Variants in GLI3 observed in about 807,000 individuals in gnomAD.
GLI3 encodes transcription activator GLI3.
A neutral mutation model predicts 100.8 loss-of-function variants in GLI3; 20 were observed. That is an observed-to-expected ratio of 0.20 (90% confidence interval 0.14 to 0.29). The LOEUF (loss-of-function observed/expected upper bound fraction) is 0.29, where lower values mean the gene tolerates loss of function less well. GLI3 is among the 10% of genes least tolerant of loss of function. GLI3 has a pLI of 1.00. For missense variants in GLI3, 2,040 were observed against 2,128.5 expected (o/e 0.96, Z 0.82); for synonymous variants, 938 against 860.5 (o/e 1.09, Z -1.58).
intron 7 of GLI3, among the ~76,000 whole-genome samples, chr7:42,035,069 G>A (rs778270125): frequency 3.3e-5 from 5 of 152,174 alleles, no homozygotes; most frequent in Non-Finnish European, 7.3e-5. Flanking sequence ...GGAAGTAAAT[G>A]AGAGCTATCT....
At chr7:42,184,459 G>T (rs959293853) in intron 2 of GLI3, among the ~76,000 whole-genome samples, 1 of 152,136 alleles carries the variant, frequency 6.6e-6, no homozygotes, top group Non-Finnish European at 1.5e-5. Flanking sequence ...CTTGTTTACC[G>T]ACTGTCTCCT....
chr7:42,043,967 C>T (rs1749761104), intron 6 of GLI3, among the ~76,000 whole-genome samples: 3 of 152,060 alleles, frequency 2.0e-5, no homozygotes, highest in African/African-American at 4.8e-5. Flanking sequence ...AACAGAACGC[C>T]TGAAGAAGAC....
chr7:42,261,188 G>GACACGCACACAAACAC (rs1789135217), intron 1 of GLI3, among the ~76,000 whole-genome samples: 1 of 145,664 alleles, frequency 6.9e-6, no homozygotes. Flanking sequence ...GCAGGAACAA[G>GACACGCACACAAACAC]ACACACACAC....
chr7:42,143,494 C>T (rs1056590206), intron 3 of GLI3, among the ~76,000 whole-genome samples: 5 of 152,204 alleles, frequency 3.3e-5, no homozygotes, highest in African/African-American at 9.7e-5. Context: ...TATACATCCT[C>T]TCTTCCATTC....
rs1210914017 is a variant in GLI3, at chr7:41,966,253, C to T, written c.2820G>A (p.Pro940=). ...CCATGTTGGGCAGGGGCGTCGGCGGCGGCCCTCCTGTGGCAGCCGCGTACT... is the reference window on the plus strand; with the variant it reads ...CCATGTTGGGCAGGGGCGTCGGCGGTGGCCCTCCTGTGGCAGCCGCGTACT... ...KAKYAAATGG[P]PPTPLPNMER... Residue 940 remains proline (P), a synonymous_variant, in exon 15 of 15, where the codon CCG becomes CCA. Coordinates refer to ENST00000395925, the MANE Select transcript of GLI3 (RefSeq NM_000168.6). The surrounding 1 kb of genome is among the most constrained non-coding windows in gnomAD (Gnocchi z 5.8). 1.9e-6 allele frequency: 3 copies of T among 1,607,866 alleles called. No homozygotes were observed. The highest frequency in any genetic ancestry group is 1.7e-5 in the Admixed American group (1 of 59,950).
At chr7:42,096,266 G>A (rs746291620) in intron 3 of GLI3, among the ~76,000 whole-genome samples, 1 of 152,216 alleles carries the variant, frequency 6.6e-6, no homozygotes, top group Non-Finnish European at 1.5e-5. Context: ...AATGAAGTGA[G>A]AAAGGAGAGT....
chr7:42,012,670 C>T (rs1389996756), intron 10 of GLI3, among the ~76,000 whole-genome samples: 19 of 152,062 alleles, frequency 1.2e-4, no homozygotes, highest in Non-Finnish European at 2.8e-4. Flanking sequence ...CAAGAATAAT[C>T]CCCTCTTGAT....
chr7:42,178,762 T>C (rs774848326), intron 2 of GLI3, among the ~76,000 whole-genome samples: 57 of 152,126 alleles, frequency 3.7e-4, no homozygotes, highest in Non-Finnish European at 4.0e-4. Flanking sequence ...ACCAAGCGGC[T>C]ATGGGAAAAT....
In GLI3 at chr7:42,253,198, C is replaced by T. The variant is rs772867100; in HGVS notation, c.-43+10796G>A. 3.6e-4 allele frequency among the ~76,000 whole-genome samples: 55 copies of T among 152,350 alleles called. 1 individual carries two copies. The highest frequency in any genetic ancestry group is 6.8e-3 in the Middle Eastern group (2 of 294). On this transcript the variant is annotated intron_variant, in intron 1 of 2. Coordinates refer to the GLI3 transcript ENST00000678978. ...TGTGAAGAAAGAGTTTCCTGCCCCA[C>T]AACCATCAGCATCTTGGGAGGCTCA...
chr7:42,069,720 T>C (rs1468234730), intron 4 of GLI3, among the ~76,000 whole-genome samples: 1 of 152,210 alleles, frequency 6.6e-6, no homozygotes, highest in Non-Finnish European at 1.5e-5. Context: ...AACTTTTATC[T>C]TTCAGGCATT....
intron 3 of GLI3, among the ~76,000 whole-genome samples, chr7:42,079,491 A>G (rs1583538248): frequency 6.6e-6 from 1 of 152,116 alleles, no homozygotes; most frequent in Non-Finnish European, 1.5e-5. Context: ...TCTCTTCCAC[A>G]CCTTTCAGCT....
intron 3 of GLI3, among the ~76,000 whole-genome samples, chr7:42,122,471 T>C (rs549927374): frequency 1.3e-5 from 2 of 151,218 alleles, no homozygotes; most frequent in Non-Finnish European, 3.0e-5. Context: ...CATACCAATA[T>C]GGGCTCTCAT....
rs1346643177 is a variant in GLI3, at chr7:42,245,253, A to AAGCCTGTAATCACAGTATTACAGTAC, written c.-43+18715_-43+18740dup. Among the ~76,000 whole-genome samples the AAGCCTGTAATCACAGTATTACAGTAC allele has an allele frequency of 4.6e-5, 7 of 152,236 alleles. No homozygotes were observed. In the South Asian group the frequency reaches 1.0e-3, roughly 23 times the overall value. On this transcript the variant is annotated intron_variant, in intron 1 of 2. Transcript: ENST00000678978. Reference sequence around the variant, plus strand: ...AAGATTCAGCTCAGTGTTGACAACAAAGCCTGTAATCACAGTATTACAGTA... The same window carrying AAGCCTGTAATCACAGTATTACAGTAC: ...AAGATTCAGCTCAGTGTTGACAACAAAGCCTGTAATCACAGTATTACAGTACAGCCTGTAATCACAGTATTACAGTA...
intron 5 of GLI3, among the ~76,000 whole-genome samples, chr7:42,046,058 A>C (rs1784238215): frequency 6.6e-6 from 1 of 152,234 alleles, no homozygotes; most frequent in African/African-American, 2.4e-5. Context: ...ATAAGCTACA[A>C]TTTTACATTC....
intron 7 of GLI3, among the ~76,000 whole-genome samples, chr7:42,029,979 T>C (rs1789239124): frequency 6.6e-6 from 1 of 152,172 alleles, no homozygotes; most frequent in African/African-American, 2.4e-5. Flanking sequence ...TTCTTCAGTG[T>C]CTATTAGTTC....
At chr7:42,058,556 T>C (rs1784507118) in intron 4 of GLI3, among the ~76,000 whole-genome samples, 1 of 152,208 alleles carries the variant, frequency 6.6e-6, no homozygotes, top group African/African-American at 2.4e-5. Flanking sequence ...AATAATAACA[T>C]ATCTACTGCT....
intron 2 of GLI3, among the ~76,000 whole-genome samples, chr7:42,169,581 A>G (rs868577243): frequency 4.2e-4 from 64 of 152,204 alleles, no homozygotes; most frequent in African/African-American, 1.5e-3. Flanking sequence ...AAATGTATAT[A>G]CTGGTTGGCC....
At chr7:41,968,057 G>T in intron 13 of GLI3, 134 bp from the exon 14 acceptor site, 1 of 819,204 alleles carries the variant, frequency 1.2e-6, no homozygotes, top group Non-Finnish European at 2.1e-6. Context: ...ACTATGTTCT[G>T]GTGAATGGAG....
chr7:42,108,358 AT>A (rs1456098812), intron 3 of GLI3, among the ~76,000 whole-genome samples: 2 of 152,222 alleles, frequency 1.3e-5, no homozygotes, highest in African/African-American at 4.8e-5. Context: ...CATGACCAGC[AT>A]CTTCAGATTA....
Sources: allele counts gnomAD v4.1 joint callset (sites outside exome capture counted in the v4.1 genomes callset), GRCh38; gene constraint gnomAD v4.1.1; non-coding constraint Gnocchi (gnomAD v3.1); transcripts MANE v1.5; gene names NCBI Gene and HGNC (gene_info 2026-07-23, HGNC 2026-07-21).